FAM193A: variants seen among roughly 807,000 people sequenced by gnomAD.
FAM193A encodes the protein protein FAM193A.
FAM193A carries 22 observed loss-of-function variants against 126.5 expected under a neutral mutation model. The observed-to-expected ratio is 0.17, with a 90% CI of 0.12 to 0.25. FAM193A has a LOEUF of 0.25. Among genes scored for constraint, FAM193A ranks in the 10% least tolerant of loss-of-function variants. The pLI is 1.00. For missense variants in FAM193A, 1,675 were observed against 1,672.8 expected (o/e 1.00, Z -0.02); for synonymous variants, 761 against 646.8 (o/e 1.18, Z -2.68).
chr4:2,692,468 A>G (rs1489568471), intron 15 of FAM193A, among the ~76,000 whole-genome samples: 1 of 152,220 alleles, frequency 6.6e-6, no homozygotes, highest in Non-Finnish European at 1.5e-5. Context: ...ATTACAAAGG[A>G]ATGGTGGGTG....
At chr4:2,714,448 T>G (rs1719328116) in intron 19 of FAM193A, among the ~76,000 whole-genome samples, 1 of 150,950 alleles carries the variant, frequency 6.6e-6, no homozygotes, top group African/African-American at 2.4e-5. Context: ...GAGTGTAGAT[T>G]ACCAAAGGTT....
At chr4:2,576,045 GAATGATTTAAGCA>G (rs1033249639) in intron 1 of FAM193A, among the ~76,000 whole-genome samples, 1 of 152,146 alleles carries the variant, frequency 6.6e-6, no homozygotes, top group African/African-American at 2.4e-5. Flanking sequence ...TGGCACTACT[GAATGATTTAAGCA>G]GTAATACCGG....
intron 2 of FAM193A, among the ~76,000 whole-genome samples, chr4:2,603,362 G>A (rs955038543): frequency 5.3e-5 from 8 of 149,768 alleles, no homozygotes; most frequent in Non-Finnish European, 1.0e-4. Flanking sequence ...TCGGCTCAAC[G>A]CAACCTCCGC....
intron 18 of FAM193A, among the ~76,000 whole-genome samples, chr4:2,697,360 AAAG>A (rs1197473860): frequency 1.5e-4 from 22 of 151,206 alleles, no homozygotes; most frequent in African/African-American, 5.3e-4. Context: ...TCTCAAAAAA[AAAG>A]ACAACTTTTT....
In FAM193A at chr4:2,695,149, G is replaced by A. The variant is rs768094890; in HGVS notation, c.3276+20G>A. 42 of 1,554,984 alleles carry A rather than the reference G, an allele frequency of 2.7e-5. No homozygotes were observed. Among genetic ancestry groups the A allele is most frequent in the East Asian group, 2.3e-4 (10 of 42,616 alleles). On this transcript the variant is annotated intron_variant, in intron 17 of 20. Coordinates refer to ENST00000637812, the MANE Select transcript of FAM193A (RefSeq NM_001366318.2). ...GGCGGGGTGAGTGCATGAGGTCAGCGCATCATGATGTGGGAAGTGTGCAAC... is the reference window on the plus strand; with the variant it reads ...GGCGGGGTGAGTGCATGAGGTCAGCACATCATGATGTGGGAAGTGTGCAAC...
intron 2 of FAM193A, among the ~76,000 whole-genome samples, chr4:2,622,256 C>CAAA (rs1458719072): frequency 2.0e-5 from 1 of 49,426 alleles, no homozygotes; most frequent in African/African-American, 1.4e-4. Flanking sequence ...GACCCTGTCT[C>CAAA]CAAAAAAAAA....
intron 7 of FAM193A, among the ~76,000 whole-genome samples, chr4:2,648,106 G>A (rs778418570): frequency 2.0e-5 from 3 of 152,020 alleles, no homozygotes; most frequent in Non-Finnish European, 4.4e-5. Flanking sequence ...TTGGATTTTC[G>A]CGGGTTTTCT....
At chr4:2,546,490 T>A (rs886489871) in intron 1 of FAM193A, among the ~76,000 whole-genome samples, 2 of 152,178 alleles carry the variant, frequency 1.3e-5, no homozygotes, top group African/African-American at 4.8e-5. Context: ...TTTGGATAAG[T>A]CCTGTAAATG....
At chr4:2,540,191 C>T (rs1324077813) in intron 1 of FAM193A, among the ~76,000 whole-genome samples, 4 of 152,044 alleles carry the variant, frequency 2.6e-5, no homozygotes, top group Admixed American at 6.6e-5. Flanking sequence ...AAAAAATGGC[C>T]GGGCGCAGTG....
intron 19 of FAM193A, among the ~76,000 whole-genome samples, chr4:2,703,992 G>C (rs2109324280): frequency 6.6e-6 from 1 of 152,072 alleles, no homozygotes; most frequent in East Asian, 1.9e-4. Context: ...AAGCAGCCGG[G>C]CATGGTGGCT....
chr4:2,608,871 T>C (rs1302661478), intron 2 of FAM193A, among the ~76,000 whole-genome samples: 1 of 151,756 alleles, frequency 6.6e-6, no homozygotes, highest in East Asian at 1.9e-4. Context: ...TTTAAAATAA[T>C]GTTGTTAATT....
chr4:2,579,035 A>G (rs1739767485), intron 1 of FAM193A, among the ~76,000 whole-genome samples: 1 of 151,962 alleles, frequency 6.6e-6, no homozygotes, highest in Non-Finnish European at 1.5e-5. Flanking sequence ...GCGTGATCAC[A>G]GTAAAAGAGA....
chr4:2,614,161 C>G (rs1393638809), intron 2 of FAM193A, among the ~76,000 whole-genome samples: 1 of 152,094 alleles, frequency 6.6e-6, no homozygotes, highest in Non-Finnish European at 1.5e-5. Context: ...TTTTTTCTTG[C>G]CCAATTCCAC....
chr4:2,629,667 C>T (rs1209380265), intron 4 of FAM193A, among the ~76,000 whole-genome samples: 1 of 152,212 alleles, frequency 6.6e-6, no homozygotes, highest in Non-Finnish European at 1.5e-5. Context: ...ATACATTTTA[C>T]AACTCATTTC....
In FAM193A at chr4:2,545,665, T is replaced by G. The variant is rs180724552; in HGVS notation, c.255+8495T>G. Among the ~76,000 whole-genome samples, 115 of 152,290 alleles carry G rather than the reference T, an allele frequency of 7.6e-4. 1 individual carries two copies. The highest frequency in any genetic ancestry group is 2.5e-4 in the Non-Finnish European group (17 of 68,028). On this transcript the variant is annotated intron_variant, in intron 1 of 20. Coordinates refer to ENST00000637812, the MANE Select transcript of FAM193A (RefSeq NM_001366318.2). ...ATATGCTAATTTTTAGAAATTAACA[T>G]GTAGCAAAATTGATACTAATTAAAA...
At chr4:2,613,076 GA>G (rs1741973133) in intron 2 of FAM193A, among the ~76,000 whole-genome samples, 2 of 152,194 alleles carry the variant, frequency 1.3e-5, no homozygotes, top group African/African-American at 4.8e-5. Context: ...CATTTATTTA[GA>G]TCATTTAAGT....
intron 2 of FAM193A, among the ~76,000 whole-genome samples, chr4:2,612,271 A>G (rs138537202): frequency 0.029 from 4,366 of 151,696 alleles, 222 homozygotes; most frequent in African/African-American, 0.099. Context: ...GGAGGCTGAG[A>G]CGGGTGGGTC....
intron 1 of FAM193A, among the ~76,000 whole-genome samples, chr4:2,572,347 C>T (rs1438056125): frequency 6.8e-6 from 1 of 147,154 alleles, no homozygotes; most frequent in Non-Finnish European, 1.5e-5. Context: ...AAAAAAAAGT[C>T]CAAGGTAACA....
chr4:2,547,259 A>AC (rs1737620804), intron 1 of FAM193A, among the ~76,000 whole-genome samples: 1 of 152,072 alleles, frequency 6.6e-6, no homozygotes, highest in Non-Finnish European at 1.5e-5. Context: ...GCGGTGGCAC[A>AC]CACCTGTAAT....
Sources: gnomAD v4.1 joint callset for allele counts (sites outside exome capture counted in the v4.1 genomes callset) on GRCh38, gnomAD v4.1.1 for gene constraint, MANE v1.5 for transcripts, NCBI Gene and HGNC (gene_info 2026-07-23, HGNC 2026-07-21) for gene names.